DTNA: variants seen among roughly 807,000 people sequenced by gnomAD.
DTNA encodes the protein dystrophin-related protein 3.
A neutral mutation model predicts 100.7 loss-of-function variants in DTNA; 43 were observed. That is an observed-to-expected ratio of 0.43 (90% confidence interval 0.33 to 0.55). The LOEUF (loss-of-function observed/expected upper bound fraction) is 0.55, where lower values mean the gene tolerates loss of function less well. Ranked by LOEUF, DTNA falls within the 20% of genes least tolerant of loss-of-function variation. The pLI, the probability that DTNA is intolerant of heterozygous loss-of-function variation, is 0.04. For synonymous variants in DTNA, 349 were observed against 347.9 expected, an observed-to-expected ratio of 1.00 and a Z score of -0.04; for missense variants, 798 against 953.9, an observed-to-expected ratio of 0.84 and a Z score of 2.15.
At chr18:34,873,316 A>G (rs931011103) in intron 17 of DTNA, among the ~76,000 whole-genome samples, 1 of 152,154 alleles carries the variant, frequency 6.6e-6, no homozygotes, top group East Asian at 1.9e-4. Flanking sequence ...ACTCTGTCCA[A>G]CTTCCCTTCT....
intron 1 of DTNA, among the ~76,000 whole-genome samples, chr18:34,518,792 T>G (rs2041905861): frequency 6.7e-6 from 1 of 148,734 alleles, no homozygotes; most frequent in Non-Finnish European, 1.5e-5. Context: ...ACGGGAACAT[T>G]AATAGAATGC....
At chr18:34,563,096 G>A (rs977542195) in intron 1 of DTNA, among the ~76,000 whole-genome samples, 3 of 152,290 alleles carry the variant, frequency 2.0e-5, no homozygotes, top group South Asian at 2.1e-4. Context: ...GCAGTTTCAC[G>A]TGGAACTACC....
intron 9 of DTNA, among the ~76,000 whole-genome samples, chr18:34,825,109 T>TAGAGAGG (rs2095829736): frequency 6.6e-6 from 1 of 152,042 alleles, no homozygotes; most frequent in Non-Finnish European, 1.5e-5. Flanking sequence ...TCTACCCACC[T>TAGAGAGG]TGTAGAGAGG....
At chr18:34,505,920 T>C (rs1345890874) in intron 1 of DTNA, among the ~76,000 whole-genome samples, 1 of 152,242 alleles carries the variant, frequency 6.6e-6, no homozygotes, top group African/African-American at 2.4e-5. Flanking sequence ...TTGGCCATTT[T>C]CTTATATGTT....
At chr18:34,654,320 C>A (rs1185478298) in intron 1 of DTNA, among the ~76,000 whole-genome samples, 1 of 152,182 alleles carries the variant, frequency 6.6e-6, no homozygotes, top group Non-Finnish European at 1.5e-5. Context: ...AGTTAATAAT[C>A]CTCGAGCAGT....
intron 1 of DTNA, among the ~76,000 whole-genome samples, chr18:34,658,477 C>T (rs141507840): frequency 2.0e-5 from 3 of 152,234 alleles, no homozygotes; most frequent in East Asian, 3.9e-4. Flanking sequence ...CTCAGCCTCC[C>T]GAGTTGCTGA....
At chr18:34,793,969 G>A (rs1568543228) in intron 3 of DTNA, 68 bp from the exon 4 acceptor site, 3 of 1,522,028 alleles carry the variant, frequency 2.0e-6, no homozygotes, top group Non-Finnish European at 2.7e-6. Flanking sequence ...AGGACAGAGG[G>A]TCATGTAAAC....
chr18:34,665,007 T>C (rs1174683651), intron 1 of DTNA, among the ~76,000 whole-genome samples: 1 of 151,356 alleles, frequency 6.6e-6, no homozygotes, highest in African/African-American at 2.4e-5. Flanking sequence ...TTAAAGGTAC[T>C]CATCTCCCCA....
chr18:34,623,446 C>T (rs1393785161), intron 1 of DTNA, among the ~76,000 whole-genome samples: 1 of 152,108 alleles, frequency 6.6e-6, no homozygotes, highest in African/African-American at 2.4e-5. Context: ...ATTTTCTTTT[C>T]TTGTTTGTAC....
chr18:34,564,142 G>C (rs771013976), intron 1 of DTNA, among the ~76,000 whole-genome samples: 1 of 151,634 alleles, frequency 6.6e-6, no homozygotes. Context: ...CAACATGTCC[G>C]TACTTCCTTT....
chr18:34,775,876 A>G (rs147192499), intron 3 of DTNA, among the ~76,000 whole-genome samples: 9 of 152,382 alleles, frequency 5.9e-5, no homozygotes, highest in African/African-American at 7.2e-5. Flanking sequence ...TCTTGTTTTA[A>G]GATTATGAGT....
At chr18:34,742,802 G>A (rs1023703819) in intron 1 of DTNA, among the ~76,000 whole-genome samples, 4 of 151,948 alleles carry the variant, frequency 2.6e-5, no homozygotes, top group African/African-American at 9.7e-5. Flanking sequence ...TGAGTACAGA[G>A]CCTACTCACA....
chr18:34,510,908 T>C (rs1350488631), intron 1 of DTNA, among the ~76,000 whole-genome samples: 2 of 152,028 alleles, frequency 1.3e-5, no homozygotes, highest in Non-Finnish European at 2.9e-5. Context: ...GTTTAAATCA[T>C]GCAGCTGACG....
intron 1 of DTNA, among the ~76,000 whole-genome samples, chr18:34,747,425 G>A (rs66683976): frequency 0.11 from 16,697 of 151,818 alleles, 1,302 homozygotes; most frequent in African/African-American, 0.22. Flanking sequence ...GATTTCTGAG[G>A]TTTGGTGCAC....
chr18:34,590,422 A>T, intron 1 of DTNA, among the ~76,000 whole-genome samples: 1 of 152,238 alleles, frequency 6.6e-6, no homozygotes, highest in East Asian at 1.9e-4. Flanking sequence ...AACTATCACC[A>T]TGAGAATACT....
At chr18:34,879,800 T>A in intron 20 of DTNA, 81 bp downstream of exon 20, 7 of 1,552,050 alleles carry the variant, frequency 4.5e-6, no homozygotes, top group Non-Finnish European at 6.1e-6. Flanking sequence ...AGCATAATTG[T>A]TTAGGGTTTT....
chr18:34,500,579 T>G (rs2039796608), intron 1 of DTNA, among the ~76,000 whole-genome samples: 2 of 151,712 alleles, frequency 1.3e-5, no homozygotes, highest in Admixed American at 1.3e-4. Context: ...TTCTCCTGCC[T>G]CAGCCTCCTG....
At chr18:34,652,455 G>C (rs1254637183) in intron 1 of DTNA, among the ~76,000 whole-genome samples, 1 of 152,072 alleles carries the variant, frequency 6.6e-6, no homozygotes, top group Non-Finnish European at 1.5e-5. Context: ...CCAGGTGTTT[G>C]CTTATTTCCT....
intron 1 of DTNA, among the ~76,000 whole-genome samples, chr18:34,639,931 TTCCC>T (rs1234287182): frequency 3.3e-5 from 5 of 152,306 alleles, no homozygotes; most frequent in Middle Eastern, 3.4e-3. Context: ...TTGGACACAT[TTCCC>T]TGAGATTTAC....
Sources: allele counts gnomAD v4.1 joint callset (sites outside exome capture counted in the v4.1 genomes callset), GRCh38; gene constraint gnomAD v4.1.1; transcripts MANE v1.5; gene names NCBI Gene and HGNC (gene_info 2026-07-23, HGNC 2026-07-21).